Variants in SOX5 observed in about 807,000 individuals in gnomAD.
SOX5 encodes the protein SRY-box transcription factor 5.
A neutral mutation model predicts 92.0 loss-of-function variants in SOX5; 9 were observed. The ratio of observed to expected loss-of-function variants is 0.10; its 90% CI spans 0.06 to 0.17. The LOEUF (loss-of-function observed/expected upper bound fraction) is 0.17, where lower values mean the gene tolerates loss of function less well. Among genes scored for constraint, SOX5 ranks in the 10% least tolerant of loss-of-function variants. The probability of loss-of-function intolerance (pLI) is 1.00; values close to 1 mark genes in which losing one functional copy is unlikely to be tolerated. For missense variants in SOX5, 642 were observed against 944.5 expected, an observed-to-expected ratio of 0.68 and a Z score of 4.20; for synonymous variants, 344 against 336.3, an observed-to-expected ratio of 1.02 and a Z score of -0.25.
rs866685960 is a variant in SOX5, at chr12:23,808,069, A to G, written c.481+37914T>C. On this transcript the variant is annotated intron_variant, in intron 3 of 14. Transcript: ENST00000451604. ...TCAATAGTTACCAGAATATGTGCAGAATATATGTTTGAGCAAGGCATCCTT... is the reference window on the plus strand; with the variant it reads ...TCAATAGTTACCAGAATATGTGCAGGATATATGTTTGAGCAAGGCATCCTT... Among the ~76,000 whole-genome samples the G allele has an allele frequency of 1.6e-4, 25 of 152,066 alleles. No individual in the cohort carries two copies. The South Asian group carries it at 3.7e-3, about 23-fold the overall frequency.
At chr12:23,779,273 T>C (rs185789183) in intron 3 of SOX5, among the ~76,000 whole-genome samples, 36 of 151,526 alleles carry the variant, frequency 2.4e-4, no homozygotes, top group Admixed American at 6.6e-4. Context: ...AGAGCAATTA[T>C]TGCAAAAAAG....
At chr12:23,685,396 A>C (rs1467836174) in intron 6 of SOX5, among the ~76,000 whole-genome samples, 1 of 152,086 alleles carries the variant, frequency 6.6e-6, no homozygotes, top group Non-Finnish European at 1.5e-5. Context: ...TCAAACATAA[A>C]GATAACCCCT....
chr12:24,254,807 T>C (rs1940866832), intron 3 of SOX5, among the ~76,000 whole-genome samples: 1 of 151,938 alleles, frequency 6.6e-6, no homozygotes, highest in Admixed American at 6.6e-5. Flanking sequence ...TTATGATCTT[T>C]CTCATTTGGG....
intron 3 of SOX5, among the ~76,000 whole-genome samples, chr12:23,841,917 TG>T (rs1292711355): frequency 1.3e-5 from 2 of 152,156 alleles, no homozygotes; most frequent in African/African-American, 4.8e-5. Context: ...TACATTTCTA[TG>T]CATTTGCACA....
intron 4 of SOX5, among the ~76,000 whole-genome samples, chr12:24,052,559 T>C (rs1335606839): frequency 1.6e-4 from 25 of 152,226 alleles, no homozygotes; most frequent in Non-Finnish European, 2.9e-5. Flanking sequence ...TTACTTGATT[T>C]TTAACCCTTT....
At chr12:24,031,796 G>A (rs1245619496) in intron 4 of SOX5, among the ~76,000 whole-genome samples, 1 of 151,760 alleles carries the variant, frequency 6.6e-6, no homozygotes, top group East Asian at 1.9e-4. Flanking sequence ...GAGTATGGCT[G>A]GAGATAACAA....
intron 1 of SOX5, among the ~76,000 whole-genome samples, chr12:24,494,776 A>G (rs530670946): frequency 4.3e-4 from 65 of 152,270 alleles, no homozygotes; most frequent in Middle Eastern, 3.4e-3. Flanking sequence ...TGGCAGCATT[A>G]AAGAAATTTG....
chr12:24,274,280 A>G (rs1944153844), intron 3 of SOX5, among the ~76,000 whole-genome samples: 1 of 152,140 alleles, frequency 6.6e-6, no homozygotes, highest in Non-Finnish European at 1.5e-5. Context: ...TTCTTAATAC[A>G]CTTCAAGATT....
At chr12:23,682,805 G>C (rs984831905) in intron 6 of SOX5, among the ~76,000 whole-genome samples, 5 of 151,622 alleles carry the variant, frequency 3.3e-5, no homozygotes, top group African/African-American at 1.2e-4. Context: ...AAATAAAACA[G>C]CAATGAAATT....
intron 3 of SOX5, among the ~76,000 whole-genome samples, chr12:24,242,141 A>G (rs1160063091): frequency 6.6e-6 from 1 of 152,202 alleles, no homozygotes; most frequent in African/African-American, 2.4e-5. Flanking sequence ...TGCACAGAAT[A>G]ATAAACATCA....
chr12:24,527,172 T>C (rs757745783), intron 1 of SOX5, among the ~76,000 whole-genome samples: 2 of 152,242 alleles, frequency 1.3e-5, no homozygotes, highest in Non-Finnish European at 2.9e-5. Flanking sequence ...TTTTGTTTAC[T>C]GCTGCATCCC....
At chr12:24,049,329 C>A (rs1455367003) in intron 4 of SOX5, among the ~76,000 whole-genome samples, 1 of 152,208 alleles carries the variant, frequency 6.6e-6, no homozygotes. Context: ...AAACCACAAA[C>A]TGGCAGTTTA....
intron 3 of SOX5, among the ~76,000 whole-genome samples, chr12:24,225,237 A>G (rs2728850): frequency 0.51 from 77,285 of 151,838 alleles, 20,021 homozygotes; most frequent in East Asian, 0.73. Flanking sequence ...AGTTATACCT[A>G]ACCCATCACC....
intron 6 of SOX5, among the ~76,000 whole-genome samples, chr12:23,705,987 T>C (rs1156835638): frequency 6.6e-6 from 1 of 151,986 alleles, no homozygotes; most frequent in Non-Finnish European, 1.5e-5. Context: ...TTTTTAACTG[T>C]TTAAAGTAAT....
intron 2 of SOX5, among the ~76,000 whole-genome samples, chr12:24,315,709 C>A (rs1949635107): frequency 6.6e-6 from 1 of 152,076 alleles, no homozygotes; most frequent in South Asian, 2.1e-4. Flanking sequence ...TATCATCCAG[C>A]AAATCATTTA....
rs1268456019 is a variant in SOX5, at chr12:24,225,689, A to G, written c.-76-12272T>C. 2.6e-5 allele frequency among the ~76,000 whole-genome samples: 4 copies of G among 152,360 alleles called. No homozygotes were observed. In the South Asian group the frequency reaches 8.3e-4, roughly 32 times the overall value. The stretch of plus-strand genomic sequence containing the variant: ...AAGCAGAAAGACAATATGGTTCATT[A>G]GGAAGCAAGTAATATTTCCTATGAT... On this transcript the variant is annotated intron_variant, in intron 3 of 4. Transcript: ENST00000446891.
intron 1 of SOX5, among the ~76,000 whole-genome samples, chr12:24,533,420 G>A (rs1317291075): frequency 1.3e-5 from 2 of 152,156 alleles, no homozygotes; most frequent in East Asian, 3.8e-4. Context: ...TTAATTGGTA[G>A]TTAGGAAACA....
In SOX5 at chr12:23,682,977, T is replaced by C. The variant is rs554333675; in HGVS notation, c.811-17413A>G. Among the ~76,000 whole-genome samples the C allele has an allele frequency of 1.2e-4, 18 of 151,988 alleles. No homozygotes were observed. The South Asian group carries it at 2.5e-3, about 21-fold the overall frequency. On this transcript the variant is annotated intron_variant, in intron 6 of 14. Transcript: ENST00000451604. ...AGCACTTTTGAAAGGAATGTAAATA[T>C]GTATCATAAAGGCAAAAATTATTGC...
intron 4 of SOX5, among the ~76,000 whole-genome samples, chr12:24,171,364 C>T (rs1052277600): frequency 6.6e-6 from 1 of 151,658 alleles, no homozygotes; most frequent in Non-Finnish European, 1.5e-5. Flanking sequence ...GCTGGGACTA[C>T]AGGCACATGC....
Sources: allele counts gnomAD v4.1 joint callset (sites outside exome capture counted in the v4.1 genomes callset), GRCh38; gene constraint gnomAD v4.1.1; transcripts MANE v1.5; gene names NCBI Gene and HGNC (gene_info 2026-07-23, HGNC 2026-07-21).